TOGARAM2: variants seen among roughly 807,000 people sequenced by gnomAD.
TOGARAM2 encodes the protein TOG array regulator of axonemal microtubules 2.
Under a neutral mutation model 93.3 loss-of-function variants are expected in TOGARAM2, and 85 were observed. That is an observed-to-expected ratio of 0.91 (90% CI 0.76 to 1.09). TOGARAM2 has a LOEUF of 1.09. TOGARAM2 is among the 50% of genes least tolerant of loss of function. TOGARAM2 has a pLI of 0.00. For synonymous variants in TOGARAM2, 593 were observed against 552.8 expected (o/e 1.07, Z -1.02); for missense variants, 1,277 against 1,334.5 (o/e 0.96, Z 0.67).
intron 1 of TOGARAM2, among the ~76,000 whole-genome samples, chr2:28,972,247 C>T (rs752204304): frequency 6.6e-5 from 10 of 152,106 alleles, no homozygotes; most frequent in Non-Finnish European, 1.3e-4. Context: ...TGCCAGCACG[C>T]GTGGCTAATT....
intron 10 of TOGARAM2, among the ~76,000 whole-genome samples, chr2:29,018,731 TTTTTTA>T (rs1664751208): frequency 1.3e-5 from 2 of 152,270 alleles, no homozygotes; most frequent in East Asian, 1.9e-4. Flanking sequence ...TAGCACCTCT[TTTTTTA>T]TTTTTATTAT....
At chr2:29,011,719 TCTG>T (rs1393465570) in intron 7 of TOGARAM2, among the ~76,000 whole-genome samples, 10 of 152,192 alleles carry the variant, frequency 6.6e-5, no homozygotes, top group East Asian at 1.9e-4. Flanking sequence ...TGACACCTGC[TCTG>T]GTACGTCAGG....
At chr2:28,968,176 A>G (rs1671893182) in intron 1 of TOGARAM2, among the ~76,000 whole-genome samples, 1 of 152,192 alleles carries the variant, frequency 6.6e-6, no homozygotes, top group Non-Finnish European at 1.5e-5. Flanking sequence ...CAGTAAAAAA[A>G]TCTCAGCAAT....
rs756341256 is a variant in TOGARAM2, at chr2:29,026,943, C to G, written c.1944C>G (p.Thr648=). The change falls in exon 14 of 20, where the codon ACC becomes ACG. Residue 648 remains threonine (T), a synonymous_variant. Coordinates refer to ENST00000379558, the MANE Select transcript of TOGARAM2 (RefSeq NM_199280.4). ...GCGCTGAGAAGCTTCTCTCGGGCAC[C>G]AGAGACAGCACAGACATGTTGGTGC... is the stretch of plus-strand genomic sequence containing the variant. ...QIGAEKLLSG[T]RDSTDMLVHN... The G allele has an allele frequency of 2.6e-5, 41 of 1,574,714 alleles. No homozygotes were observed. The highest frequency in any genetic ancestry group is 3.4e-5 in the Non-Finnish European group (40 of 1,160,084).
chr2:29,026,871 C>A lies in TOGARAM2; in HGVS notation c.1872C>A (p.Ile624=). Residue 624 remains isoleucine (I), a synonymous_variant, in exon 14 of 20, where the codon ATC becomes ATA. Transcript: ENST00000379558. ...SAGVYHRNPL[I]RKYAAEHLSA... ...CTTTCAGCCACCGGAACCCCTTGAT[C>A]CGGAAATACGCGGCTGAGCACCTCT... 1 of 1,592,098 alleles carries A rather than the reference C, an allele frequency of 6.3e-7. No individual in the cohort carries two copies. Among genetic ancestry groups the A allele is most frequent in the Non-Finnish European group, 8.6e-7 (1 of 1,168,436 alleles).
At chr2:28,965,059 C>T (rs1280031404) in intron 1 of TOGARAM2, among the ~76,000 whole-genome samples, 1 of 152,108 alleles carries the variant, frequency 6.6e-6, no homozygotes, top group African/African-American at 2.4e-5. Flanking sequence ...TTTGAGGAAT[C>T]CCCACACCCT....
intron 1 of TOGARAM2, among the ~76,000 whole-genome samples, chr2:28,957,924 A>T (rs2148210049): frequency 6.6e-6 from 1 of 152,250 alleles, no homozygotes; most frequent in East Asian, 1.9e-4. Context: ...ACTATGGCAT[A>T]GGGATGAGTA....
At chr2:28,997,686 C>T (rs145245064) in intron 2 of TOGARAM2, among the ~76,000 whole-genome samples, 3 of 152,248 alleles carry the variant, frequency 2.0e-5, no homozygotes, top group Non-Finnish European at 4.4e-5. Context: ...TGCTCTGTAA[C>T]GGGTGGGATT....
rs374499602 is a variant in TOGARAM2 at position 29,051,552 on chromosome 2, C to G, written c.2723-204C>G. ...TGGTTGGTATAAGCACAGATATAAACCAGGTTGGACATATTCATATATTTT... is the reference window on the plus strand; with the variant it reads ...TGGTTGGTATAAGCACAGATATAAAGCAGGTTGGACATATTCATATATTTT... On this transcript the variant is annotated intron_variant, in intron 19 of 19. Transcript: ENST00000379558. 4.0e-5 allele frequency: 19 copies of G among 471,422 alleles called. No individual in the cohort carries two copies. In the East Asian group the frequency reaches 6.3e-4, roughly 16 times the overall value. The allele number at this position is 471,422 out of a possible 1,614,324, so 29.2% of individuals were successfully genotyped here.
intron 2 of TOGARAM2, among the ~76,000 whole-genome samples, chr2:28,995,838 C>T (rs1672963778): frequency 6.6e-6 from 1 of 152,236 alleles, no homozygotes; most frequent in Non-Finnish European, 1.5e-5. Context: ...TGGGTTTCCA[C>T]CTGCGTGGTG....
At chr2:28,988,695 ACC>A (rs1017294257) in intron 1 of TOGARAM2, among the ~76,000 whole-genome samples, 2 of 151,668 alleles carry the variant, frequency 1.3e-5, no homozygotes, top group African/African-American at 4.9e-5. Flanking sequence ...CTACTCTCCA[ACC>A]TCTCTCCTGC....
chr2:29,052,033 C>T lies in TOGARAM2; in HGVS notation c.3000C>T (p.Asp1000=). The T allele has an allele frequency of 6.2e-7, 1 of 1,607,318 alleles. No homozygotes were observed. Among genetic ancestry groups the T allele is most frequent in the Non-Finnish European group, 8.5e-7 (1 of 1,177,728 alleles). Residue 1000 remains aspartate (D), a synonymous_variant, in exon 20 of 20, where the codon GAC becomes GAT. Coordinates refer to ENST00000379558, the MANE Select transcript of TOGARAM2 (RefSeq NM_199280.4). ...TGGGAGGCAGCCGCAAGGCCACTGACAGAGGGGTGGCCCCTGACAGCAAGA... is the reference window on the plus strand; with the variant it reads ...TGGGAGGCAGCCGCAAGGCCACTGATAGAGGGGTGGCCCCTGACAGCAAGA... ...ESLGGSRKAT[D]RGVAPDSKTT...
chr2:29,003,252 C>CAGA (rs1364050166), intron 5 of TOGARAM2, among the ~76,000 whole-genome samples: 1 of 152,174 alleles, frequency 6.6e-6, no homozygotes, highest in South Asian at 2.1e-4. Flanking sequence ...AAGGTCCTTC[C>CAGA]AGCTCTGATG....
In TOGARAM2 at chr2:29,002,595, G is replaced by T; in HGVS notation, c.487G>T (p.Ala163Ser). 1 of 1,613,988 alleles carries T rather than the reference G, an allele frequency of 6.2e-7. No individual in the cohort carries two copies. Among genetic ancestry groups the T allele is most frequent in the Admixed American group, 1.7e-5 (1 of 60,026 alleles). The change falls in exon 5 of 20, where the codon GCC becomes TCC. Residue 163 changes from alanine to serine, a missense_variant. Transcript: ENST00000379558. ...GVPLHSTIPRATSQRLLRVPR... is the reference protein window; with the variant it reads ...GVPLHSTIPRSTSQRLLRVPR... ...TCCCCTGCACAGCACCATCCCCCGAGCCACCTCTCAGAGGCTGCTGAGGGT... is the reference window on the plus strand; with the variant it reads ...TCCCCTGCACAGCACCATCCCCCGATCCACCTCTCAGAGGCTGCTGAGGGT...
intron 14 of TOGARAM2, among the ~76,000 whole-genome samples, chr2:29,027,721 G>A (rs554575622): frequency 6.6e-6 from 1 of 152,128 alleles, no homozygotes; most frequent in Non-Finnish European, 1.5e-5. Context: ...TTGGTGGGGG[G>A]GCTGCTTTAG....
intron 2 of TOGARAM2, among the ~76,000 whole-genome samples, chr2:28,997,684 A>G (rs1393273536): frequency 1.3e-5 from 2 of 152,208 alleles, no homozygotes; most frequent in African/African-American, 4.8e-5. Flanking sequence ...GATGCTCTGT[A>G]ACGGGTGGGA....
chr2:29,049,763 G>T (rs1666961014), intron 19 of TOGARAM2: 2 of 152,312 alleles, frequency 1.3e-5, no homozygotes, highest in South Asian at 2.1e-4. Context: ...GAATGCTGGG[G>T]TGACCCAAAA....
intron 14 of TOGARAM2, 63 bp from the exon 15 acceptor site, chr2:29,032,871 T>G (rs1665852723): frequency 7.1e-7 from 1 of 1,402,524 alleles, no homozygotes; most frequent in Admixed American, 2.0e-5. Flanking sequence ...TGTAAAGCTG[T>G]AAAGCAAATT....
upstream of TOGARAM2, chr2:28,956,532 C>T (rs2148208726): frequency 6.6e-6 from 1 of 152,356 alleles, no homozygotes; most frequent in South Asian, 2.1e-4. The surrounding 1 kb of genome is among the most constrained non-coding windows in gnomAD (Gnocchi z 4.5). Context: ...AAGAATGCGT[C>T]CCACGTGATG....
Sources: allele counts gnomAD v4.1 joint callset (sites outside exome capture counted in the v4.1 genomes callset), GRCh38; gene constraint gnomAD v4.1.1; non-coding constraint Gnocchi (gnomAD v3.1); transcripts MANE v1.5; gene names NCBI Gene and HGNC (gene_info 2026-07-23, HGNC 2026-07-21).